NKAIN1: variants seen among roughly 807,000 people sequenced by gnomAD.
NKAIN1 encodes sodium/potassium transporting ATPase interacting 1, also known as sodium/potassium-transporting ATPase subunit beta-1-interacting protein 1.
A neutral mutation model predicts 31.6 loss-of-function variants in NKAIN1; 13 were observed. That is an observed-to-expected ratio of 0.41 (90% CI 0.27 to 0.65). NKAIN1 has a LOEUF of 0.65. NKAIN1 is among the 30% of genes least tolerant of loss of function. NKAIN1 has a pLI of 0.30. For synonymous variants in NKAIN1, 104 were observed against 109.0 expected, an observed-to-expected ratio of 0.95 and a Z score of 0.28; for missense variants, 193 against 262.2, an observed-to-expected ratio of 0.74 and a Z score of 1.82.
chr1:31,200,729 T>A (rs1476254196), intron 1 of NKAIN1, among the ~76,000 whole-genome samples: 1 of 152,110 alleles, frequency 6.6e-6, no homozygotes, highest in African/African-American at 2.4e-5. Context: ...TCTCAAGGTG[T>A]TGGGATTACA....
chr1:31,188,383 G>C, intron 1 of NKAIN1, 196 bp from the exon 2 acceptor site: 2 of 606,610 alleles, frequency 3.3e-6, no homozygotes, highest in Non-Finnish European at 5.7e-6. Context: ...TGGGCTGAAA[G>C]GTGATAGGAG....
rs76304770 is a variant in NKAIN1 at position 31,192,882 on chromosome 1, T to C, written c.55-4695A>G. Among the ~76,000 whole-genome samples the C allele has an allele frequency of 4.2e-3, 633 of 151,622 alleles. 37 individuals carry two copies. In the East Asian group the frequency reaches 0.1, roughly 24 times the overall value. On this transcript the variant is annotated intron_variant, in intron 1 of 6. Coordinates refer to ENST00000373736, the MANE Select transcript of NKAIN1 (RefSeq NM_024522.3). ...ATATATCTTTTAAAAAATTTAGATGTAGCCTGGGTATAGTCACTCATGCCT... is the reference window on the plus strand; with the variant it reads ...ATATATCTTTTAAAAAATTTAGATGCAGCCTGGGTATAGTCACTCATGCCT...
At chr1:31,213,142 G>C (rs963831960) in intron 1 of NKAIN1, among the ~76,000 whole-genome samples, 37 of 130,184 alleles carry the variant, frequency 2.8e-4, no homozygotes, top group African/African-American at 1.1e-3. Flanking sequence ...AAAAAAGAAA[G>C]TGAGAAGTCA....
chr1:31,192,990 A>G (rs1645297608), intron 1 of NKAIN1, among the ~76,000 whole-genome samples: 1 of 151,410 alleles, frequency 6.6e-6, no homozygotes. Context: ...ACATAGTGAG[A>G]TCCCATCTCT....
intron 1 of NKAIN1, among the ~76,000 whole-genome samples, chr1:31,226,593 C>T (rs374963053): frequency 2.0e-5 from 3 of 151,594 alleles, no homozygotes; most frequent in African/African-American, 7.3e-5. Flanking sequence ...GGCACAATCC[C>T]GGTTTACTGC....
At chr1:31,213,017 C>A in intron 1 of NKAIN1, among the ~76,000 whole-genome samples, 1 of 141,432 alleles carries the variant, frequency 7.1e-6, no homozygotes, top group Non-Finnish European at 1.5e-5. Context: ...TAAATAAATA[C>A]ACAAAATAAA....
intron 1 of NKAIN1, among the ~76,000 whole-genome samples, chr1:31,232,029 C>T (rs376601207): frequency 1.4e-4 from 22 of 151,796 alleles, no homozygotes; most frequent in East Asian, 7.8e-4. Context: ...AGCAATCCTC[C>T]CCTCTGCCTC....
At chr1:31,228,124 GATTACACGCCT>G (rs1400922217) in intron 1 of NKAIN1, among the ~76,000 whole-genome samples, 2 of 152,212 alleles carry the variant, frequency 1.3e-5, no homozygotes, top group African/African-American at 4.8e-5. Flanking sequence ...GGCTGCAGTA[GATTACACGCCT>G]ATTATGAGCA....
rs186916373 is a variant in NKAIN1 at position 31,185,411 on chromosome 1, G to C, written c.193-84C>G. ...CAATGGAGACAGAGCTCAGGGATGA[G>C]GAGATCTGGGCAGGGGAAATTATGA... is the stretch of plus-strand genomic sequence containing the variant. On this transcript the variant is annotated intron_variant, in intron 2 of 6. Coordinates refer to ENST00000373736, the MANE Select transcript of NKAIN1 (RefSeq NM_024522.3). 2.0e-4 allele frequency: 216 copies of C among 1,075,610 alleles called. No homozygotes were observed. The African/African-American group carries it at 3.1e-3, about 15-fold the overall frequency. The allele number at this position is 1,075,610 out of a possible 1,614,324, so 66.6% of individuals were successfully genotyped here. A position where few individuals can be genotyped will look rare whatever the true frequency, so the allele number is the denominator to read the frequency against.
At chr1:31,208,478 A>G (rs1645440862) in intron 1 of NKAIN1, among the ~76,000 whole-genome samples, 2 of 152,188 alleles carry the variant, frequency 1.3e-5, no homozygotes, top group Non-Finnish European at 2.9e-5. Context: ...GAGAAAATGC[A>G]GAAGTCCTAC....
intron 1 of NKAIN1, among the ~76,000 whole-genome samples, chr1:31,191,271 A>G (rs1645283101): frequency 6.6e-6 from 1 of 151,104 alleles, no homozygotes; most frequent in Non-Finnish European, 1.5e-5. Context: ...AGCCTAGGTG[A>G]CAGAGCAAGA....
chr1:31,214,012 AAATTAATTAATT>A (rs68130525), intron 1 of NKAIN1, among the ~76,000 whole-genome samples: 1 of 21,834 alleles, frequency 4.6e-5, no homozygotes, highest in African/African-American at 9.2e-5. Context: ...AATAAAATAA[AAATTAATTAATT>A]AATTAATTAA....
intron 1 of NKAIN1, among the ~76,000 whole-genome samples, chr1:31,215,877 A>G (rs1265957655): frequency 6.6e-6 from 1 of 152,162 alleles, no homozygotes; most frequent in Non-Finnish European, 1.5e-5. Context: ...TGGCTAAGAT[A>G]TGCACATGGA....
chr1:31,194,830 G>GGT (rs1645312182), intron 1 of NKAIN1, among the ~76,000 whole-genome samples: 1 of 136,178 alleles, frequency 7.3e-6, no homozygotes, highest in African/African-American at 2.8e-5. Flanking sequence ...GGAGTGCAGT[G>GGT]GCGGGATCTC....
chr1:31,195,433 C>CTGCCT (rs1426876811), intron 1 of NKAIN1, among the ~76,000 whole-genome samples: 19 of 151,940 alleles, frequency 1.3e-4, no homozygotes, highest in Non-Finnish European at 2.9e-5. Context: ...TTCTTTCTTT[C>CTGCCT]TGCCTTGCCT....
intron 1 of NKAIN1, among the ~76,000 whole-genome samples, chr1:31,219,673 A>G (rs1280253181): frequency 6.6e-6 from 1 of 152,238 alleles, no homozygotes. Context: ...CTCGTAAATC[A>G]TCACTGGAGA....
At position 31,239,376 on chromosome 1, in the gene NKAIN1, G is replaced by A. The variant is rs531364948; in HGVS notation, c.54+118C>T. On this transcript the variant is annotated intron_variant, in intron 1 of 6. Coordinates refer to ENST00000373736, the MANE Select transcript of NKAIN1 (RefSeq NM_024522.3). The surrounding 1 kb of genome is among the most constrained non-coding windows in gnomAD (Gnocchi z 4.8). The stretch of plus-strand genomic sequence containing the variant: ...GCTCCGAGACTCCAGACCACCCCCC[G>A]CCCGGGCACACGCACCAGACACACA... 1 of 698,104 alleles carries A rather than the reference G, an allele frequency of 1.4e-6. No individual in the cohort carries two copies. The highest frequency in any genetic ancestry group is 2.0e-6 in the Non-Finnish European group (1 of 491,366). 43.2% of individuals were successfully genotyped at this position (698,104 alleles called of 1,614,324 possible).
Position 31,182,488 on chromosome 1 carries a change from G to A in NKAIN1, c.532+42C>T. 34 of 1,607,244 alleles carry A rather than the reference G, an allele frequency of 2.1e-5. 1 individual carries two copies. Among genetic ancestry groups the A allele is most frequent in the Non-Finnish European group, 2.8e-5 (33 of 1,173,950 alleles). ...GGCCTCTGTCCAGGGTGCTGAAGGC[G>A]CAGGGCCAGATTCCCCACTTCCCCA... is the stretch of plus-strand genomic sequence containing the variant. On this transcript the variant is annotated intron_variant, in intron 5 of 6. Coordinates refer to ENST00000373736, the MANE Select transcript of NKAIN1 (RefSeq NM_024522.3).
chr1:31,208,888 T>C (rs1179242329), intron 1 of NKAIN1, among the ~76,000 whole-genome samples: 1 of 152,204 alleles, frequency 6.6e-6, no homozygotes, highest in African/African-American at 2.4e-5. Context: ...TCACACTTGA[T>C]GTTCCAGGGC....
Sources: gnomAD v4.1 joint callset for allele counts (sites outside exome capture counted in the v4.1 genomes callset) on GRCh38, gnomAD v4.1.1 for gene constraint, Gnocchi (gnomAD v3.1) non-coding constraint, MANE v1.5 for transcripts, NCBI Gene and HGNC (gene_info 2026-07-23, HGNC 2026-07-21) for gene names.